SPATA7: variants seen among roughly 807,000 people sequenced by gnomAD.
SPATA7 encodes spermatogenesis-associated protein 7.
SPATA7 carries 43 observed loss-of-function variants against 51.8 expected under a neutral mutation model. That is an observed-to-expected ratio of 0.83 (90% CI 0.65 to 1.07). The LOEUF (loss-of-function observed/expected upper bound fraction) is 1.07, where lower values mean the gene tolerates loss of function less well. SPATA7 is among the 50% of genes least tolerant of loss of function. SPATA7 has a pLI of 0.00. For synonymous variants in SPATA7, 230 were observed against 252.8 expected (o/e 0.91, Z 0.86); for missense variants, 683 against 701.3 (o/e 0.97, Z 0.30).
At chr14:88,415,632 G>A (rs913783623) in intron 4 of SPATA7, among the ~76,000 whole-genome samples, 3 of 152,014 alleles carry the variant, frequency 2.0e-5, no homozygotes, top group African/African-American at 7.2e-5. Flanking sequence ...GTTTGATCCT[G>A]TCATGGTGGT....
intron 4 of SPATA7, among the ~76,000 whole-genome samples, chr14:88,406,428 A>G (rs2076200776): frequency 6.7e-6 from 1 of 149,236 alleles, no homozygotes; most frequent in African/African-American, 2.5e-5. Context: ...GGCAACCACT[A>G]ATCTACTTTT....
chr14:88,445,435 G>A, intron 3 of SPATA7, among the ~76,000 whole-genome samples: 1 of 152,058 alleles, frequency 6.6e-6, no homozygotes, highest in Non-Finnish European at 1.5e-5. Context: ...CTGCAAACAG[G>A]GACAGTTTGA....
In SPATA7 at chr14:88,431,197, C is replaced by T. The variant is rs1449510592; in HGVS notation, c.1054C>T (p.Pro352Ser). 1.2e-6 allele frequency: 2 copies of T among 1,613,626 alleles called. No homozygotes were observed. The highest frequency in any genetic ancestry group is 1.1e-5 in the South Asian group (1 of 91,066). The change falls in exon 9 of 12, where the codon CCC becomes TCC. Residue 352 changes from proline to serine, a missense_variant. Transcript: ENST00000393545. ...GGCAATGTGTCAGTATTCCCTGAAGCCCCCTTCAACTCGTAAAATCTACTC... is the reference window on the plus strand; with the variant it reads ...GGCAATGTGTCAGTATTCCCTGAAGTCCCCTTCAACTCGTAAAATCTACTC... ...PRAMCQYSLK[P>S]PSTRKIYSDE...
In SPATA7 at chr14:88,449,038, G is replaced by GT. The variant is rs199750519; in HGVS notation, c.178-6014dup. Among the ~76,000 whole-genome samples the GT allele has an allele frequency of 3.9e-3, 594 of 151,580 alleles. 6 individuals carry two copies. Among genetic ancestry groups the GT allele is most frequent in the African/African-American group, 0.014 (568 of 41,376 alleles). ...GCTCTTTGTTTATCTTTTATATTGT[G>GT]TTTTTTTTGTTTGTTTCAATTTCAT... On this transcript the variant is annotated intron_variant, in intron 3 of 3. Transcript: ENST00000554802.
At chr14:88,407,011 A>G (rs1283813369) in intron 4 of SPATA7, among the ~76,000 whole-genome samples, 2 of 151,854 alleles carry the variant, frequency 1.3e-5, no homozygotes, top group African/African-American at 4.8e-5. Flanking sequence ...AAAGAAATAT[A>G]CCCATTGATG....
chr14:88,435,048 G>T (rs1189794209), intron 10 of SPATA7, among the ~76,000 whole-genome samples: 1 of 152,160 alleles, frequency 6.6e-6, no homozygotes, highest in African/African-American at 2.4e-5. Context: ...AGACACATCT[G>T]GGTTAAATTC....
At chr14:88,467,951 G>A in intron 4 of SPATA7, 1 of 783,926 alleles carries the variant, frequency 1.3e-6, no homozygotes, top group Non-Finnish European at 2.1e-6. Flanking sequence ...TCCCAGGTTA[G>A]AAACCCCTCT....
chr14:88,448,052 T>G (rs2077226366), intron 3 of SPATA7, among the ~76,000 whole-genome samples: 1 of 152,102 alleles, frequency 6.6e-6, no homozygotes, highest in East Asian at 1.9e-4. Flanking sequence ...ATTGGGGAAG[T>G]TCTCCTGGAT....
intron 4 of SPATA7, among the ~76,000 whole-genome samples, chr14:88,413,741 GTT>G (rs34039966): frequency 6.9e-6 from 1 of 145,328 alleles, no homozygotes. Context: ...TTTGTTGAGG[GTT>G]TTTTTTTTTA....
downstream of SPATA7, among the ~76,000 whole-genome samples, chr14:88,442,336 C>T (rs1424038193): frequency 6.6e-6 from 1 of 152,022 alleles, no homozygotes; most frequent in Non-Finnish European, 1.5e-5. Context: ...ATTACAGGCA[C>T]CTGCCACCAT....
chr14:88,431,976 A>C (rs557258144), intron 9 of SPATA7, among the ~76,000 whole-genome samples: 1 of 152,332 alleles, frequency 6.6e-6, no homozygotes, highest in African/African-American at 2.4e-5. Context: ...AACTTTCTGG[A>C]ATAATTATCA....
In SPATA7 at chr14:88,469,039, T is replaced by C; in HGVS notation, c.255-808T>C. On this transcript the variant is annotated intron_variant, in intron 4 of 4. Transcript: ENST00000556406. This position sits in a 1 kb window ranked among gnomAD's most constrained non-coding sequence, Gnocchi z 4.3. ...GGCTTTGGGGATCACTTGTGCTATT[T>C]GTATGGCGTCGAACAGACTGGATCT... is the stretch of plus-strand genomic sequence containing the variant. 1 of 1,614,172 alleles carries C rather than the reference T, an allele frequency of 6.2e-7. No homozygotes were observed. The highest frequency in any genetic ancestry group is 8.5e-7 in the Non-Finnish European group (1 of 1,180,008).
At chr14:88,446,881 G>T (rs1458437381) in intron 3 of SPATA7, among the ~76,000 whole-genome samples, 3 of 152,144 alleles carry the variant, frequency 2.0e-5, no homozygotes, top group Non-Finnish European at 4.4e-5. Flanking sequence ...TTTTACATTT[G>T]TTGAGGAGAG....
At chr14:88,427,505 T>G in intron 6 of SPATA7, 125 bp from the exon 7 acceptor site, 2 of 644,002 alleles carry the variant, frequency 3.1e-6, no homozygotes, top group South Asian at 4.0e-5. Flanking sequence ...AATTCAAAAT[T>G]ATGTATTTTA....
rs542669747 is a variant in SPATA7, at chr14:88,386,923, A to G, written c.19+1086A>G. Among the ~76,000 whole-genome samples the G allele has an allele frequency of 1.1e-4, 17 of 152,336 alleles. No individual in the cohort carries two copies. In the South Asian group the frequency reaches 3.3e-3, roughly 30 times the overall value. ...AACTATTCTGACACTTCACCAACCT[A>G]GGTTTCAGAAAAAGCAAATCAAAAC... is the stretch of plus-strand genomic sequence containing the variant. On this transcript the variant is annotated intron_variant, in intron 1 of 11. Coordinates refer to ENST00000393545, the MANE Select transcript of SPATA7 (RefSeq NM_018418.5).
At chr14:88,388,199 C>T (rs1488846482) in intron 1 of SPATA7, among the ~76,000 whole-genome samples, 2 of 151,836 alleles carry the variant, frequency 1.3e-5, no homozygotes, top group Non-Finnish European at 2.9e-5. Context: ...AAGACTCCAT[C>T]TCAAAAAAAA....
intron 3 of SPATA7, among the ~76,000 whole-genome samples, chr14:88,447,023 A>T (rs1370689544): frequency 6.6e-6 from 1 of 152,054 alleles, no homozygotes; most frequent in Non-Finnish European, 1.5e-5. Context: ...AGCTGAGTTC[A>T]ATTCCTGGGT....
intron 4 of SPATA7, among the ~76,000 whole-genome samples, chr14:88,409,096 G>A: frequency 6.6e-6 from 1 of 152,018 alleles, no homozygotes; most frequent in Admixed American, 6.6e-5. Flanking sequence ...CCAGGGTTTG[G>A]TATCAGGATG....
chr14:88,446,497 G>C (rs985070998), intron 3 of SPATA7, among the ~76,000 whole-genome samples: 3 of 151,732 alleles, frequency 2.0e-5, no homozygotes, highest in Non-Finnish European at 4.4e-5. Context: ...GTTCTGCTCT[G>C]ATTTTAGTTA....
Sources: gnomAD v4.1 joint callset for allele counts (sites outside exome capture counted in the v4.1 genomes callset) on GRCh38, gnomAD v4.1.1 for gene constraint, Gnocchi (gnomAD v3.1) non-coding constraint, MANE v1.5 for transcripts, NCBI Gene and HGNC (gene_info 2026-07-23, HGNC 2026-07-21) for gene names.